Variants in SMC1B observed in about 807,000 individuals in gnomAD.
SMC1B encodes structural maintenance of chromosomes protein 1B.
A neutral mutation model predicts 157.9 loss-of-function variants in SMC1B; 60 were observed. The observed-to-expected ratio is 0.38, with a 90% CI of 0.31 to 0.47. The LOEUF (loss-of-function observed/expected upper bound fraction) is 0.47, where lower values mean the gene tolerates loss of function less well. SMC1B is among the 20% of genes least tolerant of loss of function. SMC1B has a pLI of 0.99. For synonymous variants in SMC1B, 445 were observed against 483.0 expected (o/e 0.92, Z 1.03); for missense variants, 1,165 against 1,426.2 (o/e 0.82, Z 2.95).
intron 12 of SMC1B, among the ~76,000 whole-genome samples, chr22:45,375,294 G>A (rs950267091): frequency 2.6e-5 from 4 of 152,152 alleles, no homozygotes; most frequent in African/African-American, 9.7e-5. Context: ...TTTCCAGAGC[G>A]AACCAATATT....
intron 8 of SMC1B, 39 bp from the exon 9 acceptor site, chr22:45,393,880 C>A: frequency 6.7e-7 from 1 of 1,490,400 alleles, no homozygotes; most frequent in South Asian, 1.2e-5. Flanking sequence ...AAATGATAAA[C>A]CAAAATTTAG....
intron 5 of SMC1B, among the ~76,000 whole-genome samples, chr22:45,400,120 T>C (rs1308347194): frequency 6.6e-6 from 1 of 152,214 alleles, no homozygotes; most frequent in Non-Finnish European, 1.5e-5. Flanking sequence ...AGGTATTTCC[T>C]AGTTCCAACA....
chr22:45,346,674 G>T (rs1398468333), intron 23 of SMC1B, among the ~76,000 whole-genome samples: 27 of 152,174 alleles, frequency 1.8e-4, no homozygotes. Flanking sequence ...AGCATTAGAG[G>T]CAATGGTAGT....
intron 11 of SMC1B, among the ~76,000 whole-genome samples, chr22:45,385,337 T>C (rs924200981): frequency 2.6e-5 from 4 of 152,116 alleles, no homozygotes; most frequent in Non-Finnish European, 5.9e-5. Flanking sequence ...CTACTTGCAA[T>C]GTTTGACTAA....
In SMC1B at chr22:45,358,863, C is replaced by T. The variant is rs571907892; in HGVS notation, c.2863-68G>A. On this transcript the variant is annotated intron_variant, in intron 18 of 24. Transcript: ENST00000357450. ...TGTCTTATATGGGAGTGGTTCATGG[C>T]ACTCCAAAAACAATTACAATAGTAA... 15 of 1,033,032 alleles carry T rather than the reference C, an allele frequency of 1.5e-5. No individual in the cohort carries two copies. The African/African-American group carries it at 2.4e-4, about 17-fold the overall frequency. The allele number at this position is 1,033,032 out of a possible 1,614,324, so 64.0% of individuals were successfully genotyped here.
intron 23 of SMC1B, among the ~76,000 whole-genome samples, chr22:45,347,550 A>G (rs1359530718): frequency 6.6e-6 from 1 of 152,126 alleles, no homozygotes; most frequent in African/African-American, 2.4e-5. Flanking sequence ...TCTCTCAGCC[A>G]CGGGCTCCTT....
At chr22:45,346,841 T>C (rs533685131) in intron 23 of SMC1B, among the ~76,000 whole-genome samples, 3 of 152,204 alleles carry the variant, frequency 2.0e-5, no homozygotes, top group Non-Finnish European at 2.9e-5. Context: ...TAGTTCTTCA[T>C]ACTACATAAC....
intron 10 of SMC1B, among the ~76,000 whole-genome samples, chr22:45,388,986 CAAAAAAAAAA>C (rs371475132): frequency 0.021 from 1,124 of 54,488 alleles, 22 homozygotes; most frequent in African/African-American, 0.069. Flanking sequence ...GACTCTGCCT[CAAAAAAAAAA>C]AAAAAAAAGA....
At chr22:45,344,738 G>C in intron 24 of SMC1B, 81 bp from the exon 25 acceptor site, 4 of 886,580 alleles carry the variant, frequency 4.5e-6, no homozygotes, top group Non-Finnish European at 7.3e-6. Context: ...AGTGAGTCTA[G>C]AATTGCATTC....
chr22:45,375,683 A>T (rs2086877208), intron 12 of SMC1B, among the ~76,000 whole-genome samples: 1 of 152,150 alleles, frequency 6.6e-6, no homozygotes, highest in African/African-American at 2.4e-5. Context: ...AATTTTATCA[A>T]ATGCCTTTTC....
rs1172197160 is a variant in SMC1B, at chr22:45,406,502, A to G, written c.573T>C (p.Asn191=). ...TTGCTTGTCTGCGCTCTGCCGCTAT[A>G]TTTTTTTTCTTATTAAAGTTAAACT... ...DAQFNFNKKK[N]IAAERRQAKL... The change falls in exon 4 of 25, where the codon AAT becomes AAC. Residue 191 remains asparagine, a synonymous_variant. Coordinates refer to ENST00000357450, the MANE Select transcript of SMC1B (RefSeq NM_148674.5). 3 of 1,611,526 alleles carry G rather than the reference A, an allele frequency of 1.9e-6. No individual in the cohort carries two copies. In the African/African-American group the frequency reaches 4.0e-5, roughly 22 times the overall value.
chr22:45,385,287 T>C (rs910135910), intron 11 of SMC1B, among the ~76,000 whole-genome samples: 2 of 152,176 alleles, frequency 1.3e-5, no homozygotes, highest in African/African-American at 4.8e-5. Context: ...TTATACATAC[T>C]ATAGTTTATA....
At position 45,344,481 on chromosome 22, in the gene SMC1B, G is replaced by A. The variant is rs2086530240; in HGVS notation, c.*75C>T. 6.6e-6 allele frequency: 7 copies of A among 1,065,596 alleles called. No individual in the cohort carries two copies. Among genetic ancestry groups the A allele is most frequent in the South Asian group, 4.0e-5 (3 of 75,412 alleles). 66.0% of individuals were successfully genotyped at this position (1,065,596 alleles called of 1,614,324 possible). On this transcript the variant is annotated 3_prime_UTR_variant, in exon 25 of 25. Transcript: ENST00000357450. ...CAGGCTGGTCCTGCTTGCTCCAGAAGTCTCCTGTGGAGGAGCTGTGTGAGT... is the reference window on the plus strand; with the variant it reads ...CAGGCTGGTCCTGCTTGCTCCAGAAATCTCCTGTGGAGGAGCTGTGTGAGT...
At chr22:45,402,083 C>T (rs2087201878) in intron 5 of SMC1B, among the ~76,000 whole-genome samples, 1 of 152,132 alleles carries the variant, frequency 6.6e-6, no homozygotes, top group Non-Finnish European at 1.5e-5. Context: ...CGGGGTTTCA[C>T]CGTGTTAGCC....
rs574173422 is a variant in SMC1B, at chr22:45,391,589, G to A, written c.1546-1692C>T. Among the ~76,000 whole-genome samples the A allele has an allele frequency of 4.5e-4, 68 of 152,214 alleles. 1 individual carries two copies. Among genetic ancestry groups the A allele is most frequent in the Middle Eastern group, 3.4e-3 (1 of 294 alleles). On this transcript the variant is annotated intron_variant, in intron 9 of 24. Coordinates refer to ENST00000357450, the MANE Select transcript of SMC1B (RefSeq NM_148674.5). ...GTTCAGATCTTTGATTTGCTATGGC[G>A]GATAACTTTTATTAATTCCCTTTCT... is the stretch of plus-strand genomic sequence containing the variant.
chr22:45,366,614 C>T (rs1450077172), intron 15 of SMC1B, among the ~76,000 whole-genome samples: 2 of 152,100 alleles, frequency 1.3e-5, no homozygotes, highest in African/African-American at 4.8e-5. Flanking sequence ...TAAGTAAAAT[C>T]TGGCTGGGTG....
At chr22:45,368,435 G>A (rs756114013) in intron 15 of SMC1B, among the ~76,000 whole-genome samples, 4 of 150,982 alleles carry the variant, frequency 2.6e-5, no homozygotes, top group Non-Finnish European at 5.9e-5. Context: ...CTTATTGTAT[G>A]TATACTTTTT....
chr22:45,356,477 G>C (rs779131622), intron 19 of SMC1B, among the ~76,000 whole-genome samples: 7 of 152,210 alleles, frequency 4.6e-5, no homozygotes, highest in Non-Finnish European at 1.0e-4. Flanking sequence ...GCCCCAGAGA[G>C]AAGTCTGTGC....
Position 45,399,122 on chromosome 22 carries a change from C to T in SMC1B, c.1086G>A (p.Lys362=). ...GACTGGCTTCCAGTTCAATGTCTCG[C>T]TTTTTATGTAAAATTTCTTCCTCAA... ...KQIEEEILHK[K]RDIELEASQL... is the part of the protein sequence containing the mutation. Residue 362 remains lysine (K), a synonymous_variant, in exon 6 of 25, where the codon AAG becomes AAA. Transcript: ENST00000357450. 6.2e-7 allele frequency: 1 copy of T among 1,613,558 alleles called. No homozygotes were observed. The highest frequency in any genetic ancestry group is 1.1e-5 in the South Asian group (1 of 90,918).
Sources: allele counts gnomAD v4.1 joint callset (sites outside exome capture counted in the v4.1 genomes callset), GRCh38; gene constraint gnomAD v4.1.1; transcripts MANE v1.5; gene names NCBI Gene and HGNC (gene_info 2026-07-23, HGNC 2026-07-21).